GRIK4: variants seen among roughly 807,000 people sequenced by gnomAD.
The protein encoded by GRIK4 is glutamate receptor ionotropic, kainate 4.
Under a neutral mutation model 104.9 loss-of-function variants are expected in GRIK4, and 40 were observed. The ratio of observed to expected loss-of-function variants is 0.38; its 90% CI spans 0.30 to 0.50. GRIK4 has a LOEUF of 0.50. GRIK4 is among the 20% of genes least tolerant of loss of function. GRIK4 has a pLI of 0.93. For synonymous variants in GRIK4, 485 were observed against 524.9 expected (o/e 0.92, Z 1.04); for missense variants, 1,047 against 1,308.1 (o/e 0.80, Z 3.08).
intron 16 of GRIK4, among the ~76,000 whole-genome samples, chr11:120,958,629 CGA>C (rs1478066735): frequency 6.6e-6 from 1 of 152,226 alleles, no homozygotes; most frequent in East Asian, 1.9e-4. Flanking sequence ...GACACAGGAG[CGA>C]GGCTCCACTG....
chr11:120,623,528 C>A (rs1164799036), intron 1 of GRIK4, among the ~76,000 whole-genome samples: 1 of 152,200 alleles, frequency 6.6e-6, no homozygotes, highest in Non-Finnish European at 1.5e-5. Context: ...GACCCCCAAC[C>A]AGGAATTCCT....
intron 3 of GRIK4, among the ~76,000 whole-genome samples, chr11:120,688,323 C>G (rs531399766): frequency 1.3e-5 from 2 of 152,180 alleles, no homozygotes; most frequent in Non-Finnish European, 1.5e-5. Flanking sequence ...CACCCTACCC[C>G]GAAGAGGAAG....
At chr11:120,790,891 C>T (rs1220361626) in intron 3 of GRIK4, among the ~76,000 whole-genome samples, 2 of 152,146 alleles carry the variant, frequency 1.3e-5, no homozygotes, top group Non-Finnish European at 2.9e-5. Context: ...ATGAGACCAA[C>T]TGGTGCTATG....
intron 3 of GRIK4, among the ~76,000 whole-genome samples, chr11:120,685,489 T>A (rs776325626): frequency 3.9e-5 from 6 of 152,150 alleles, no homozygotes; most frequent in Non-Finnish European, 7.4e-5. Context: ...GACTTGGAAG[T>A]TAATATTTTT....
chr11:120,631,390 C>T (rs949819865), intron 1 of GRIK4, among the ~76,000 whole-genome samples: 1 of 152,104 alleles, frequency 6.6e-6, no homozygotes, highest in African/African-American at 2.4e-5. Context: ...ATGCTGTTGC[C>T]CACAGGCCAC....
chr11:120,985,859 G>A, intron 20 of GRIK4, 45 bp from the exon 21 acceptor site: 1 of 1,542,270 alleles, frequency 6.5e-7, no homozygotes, highest in Non-Finnish European at 8.8e-7. Flanking sequence ...GGGGCCCACG[G>A]GGGCTGGTTG....
chr11:120,514,905 G>A, intron 1 of GRIK4: 1 of 451,594 alleles, frequency 2.2e-6, no homozygotes, highest in South Asian at 1.6e-5. Context: ...TTCACCCTGA[G>A]TTACGGTCCT....
intron 3 of GRIK4, among the ~76,000 whole-genome samples, chr11:120,701,616 C>G (rs947708396): frequency 2.0e-5 from 3 of 152,200 alleles, no homozygotes; most frequent in East Asian, 3.8e-4. Context: ...GTGATTCCAT[C>G]TCCTGTGTGT....
chr11:120,883,577 C>T (rs1176419403), intron 11 of GRIK4, among the ~76,000 whole-genome samples: 1 of 152,222 alleles, frequency 6.6e-6, no homozygotes, highest in Non-Finnish European at 1.5e-5. Flanking sequence ...AGGGTGTTTT[C>T]TCTCCTGCCT....
Position 120,902,213 on chromosome 11 carries a change from C to T in GRIK4, c.1273-3077C>T, listed in dbSNP as rs763645661. On this transcript the variant is annotated intron_variant, in intron 12 of 20. Coordinates refer to ENST00000527524, the MANE Select transcript of GRIK4 (RefSeq NM_014619.5). This position sits in a 1 kb window ranked among gnomAD's most constrained non-coding sequence, Gnocchi z 4.5. The stretch of plus-strand genomic sequence containing the variant: ...TGCCAGCAAACATGGAATTGGCTGC[C>T]GCTCCCATTCCCTGAACACCTTTTC... Among the ~76,000 whole-genome samples the T allele has an allele frequency of 1.2e-4, 19 of 152,220 alleles. No individual in the cohort carries two copies. The highest frequency in any genetic ancestry group is 2.9e-4 in the African/African-American group (12 of 41,518).
chr11:120,759,514 A>ATT (rs1029422670), intron 3 of GRIK4, among the ~76,000 whole-genome samples: 1 of 138,478 alleles, frequency 7.2e-6, no homozygotes, highest in South Asian at 2.3e-4. Flanking sequence ...TATCAGTAGC[A>ATT]TTTTTTTTTT....
chr11:120,807,794 A>G lies in GRIK4; in HGVS notation c.247+4937A>G, dbSNP rs569761223. 7.0e-4 allele frequency among the ~76,000 whole-genome samples: 106 copies of G among 152,346 alleles called. 1 individual carries two copies. In the South Asian group the frequency reaches 0.021, roughly 30 times the overall value. On this transcript the variant is annotated intron_variant, in intron 4 of 20. Coordinates refer to ENST00000527524, the MANE Select transcript of GRIK4 (RefSeq NM_014619.5). The stretch of plus-strand genomic sequence containing the variant: ...GCTCAGCCATGCATTGAATTGCTGT[A>G]CTTAGAAATCATCTGGTCCAACCCC...
At chr11:120,824,548 C>CTCTTTTTTTTTTTTTTTTTTTTTTTT (rs1391390503) in intron 6 of GRIK4, among the ~76,000 whole-genome samples, 1 of 131,178 alleles carries the variant, frequency 7.6e-6, no homozygotes, top group Non-Finnish European at 1.7e-5. Flanking sequence ...TTTTTTTTTT[C>CTCTTTTTTTTTTTTTTTTTTTTTTTT]TTTTCTTTTT....
intron 13 of GRIK4, among the ~76,000 whole-genome samples, chr11:120,910,364 TGGTTG>T (rs1342997533): frequency 6.6e-6 from 1 of 152,166 alleles, no homozygotes; most frequent in Non-Finnish European, 1.5e-5. Context: ...AGGGGAAGTG[TGGTTG>T]GAGTGAAGGC....
intron 1 of GRIK4, among the ~76,000 whole-genome samples, chr11:120,541,956 G>A (rs1348185132): frequency 2.7e-5 from 4 of 150,184 alleles, no homozygotes. Context: ...TACAGAAAGA[G>A]AAAAAAAAAC....
Position 120,687,379 on chromosome 11 carries a change from G to GT in GRIK4, c.82+26985dup, listed in dbSNP as rs1203632993. 2.6e-5 allele frequency among the ~76,000 whole-genome samples: 4 copies of GT among 152,164 alleles called. No homozygotes were observed. The East Asian group carries it at 7.7e-4, about 29-fold the overall frequency. On this transcript the variant is annotated intron_variant, in intron 3 of 20. Transcript: ENST00000527524. ...TCACTTGTAGAATTTCCAAGTGATT[G>GT]TTTTTTGTTGTTTTCAATTTCTGGT...
At chr11:120,980,322 G>A (rs1298821063) in intron 19 of GRIK4, among the ~76,000 whole-genome samples, 1 of 152,192 alleles carries the variant, frequency 6.6e-6, no homozygotes, top group Non-Finnish European at 1.5e-5. Flanking sequence ...GCCAGAGAAG[G>A]TAATTCATCC....
intron 3 of GRIK4, among the ~76,000 whole-genome samples, chr11:120,712,707 G>C (rs1046843990): frequency 2.0e-5 from 3 of 151,906 alleles, no homozygotes; most frequent in African/African-American, 7.3e-5. Flanking sequence ...CTAATGTTGA[G>C]TCCAAATCTC....
chr11:120,896,636 C>CCTT (rs1165992925), intron 11 of GRIK4, among the ~76,000 whole-genome samples: 2 of 152,250 alleles, frequency 1.3e-5, no homozygotes, highest in African/African-American at 2.4e-5. Flanking sequence ...ACACTCTCCA[C>CCTT]CTTCTCCAGA....
Sources: gnomAD v4.1 joint callset for allele counts (sites outside exome capture counted in the v4.1 genomes callset) on GRCh38, gnomAD v4.1.1 for gene constraint, Gnocchi (gnomAD v3.1) non-coding constraint, MANE v1.5 for transcripts, NCBI Gene and HGNC (gene_info 2026-07-23, HGNC 2026-07-21) for gene names.